Variants in IQCM observed in about 807,000 individuals in gnomAD.
The protein encoded by IQCM is IQ motif containing M.
A neutral mutation model predicts 57.6 loss-of-function variants in IQCM; 45 were observed. That is an observed-to-expected ratio of 0.78 (90% CI 0.62 to 1.00). The LOEUF is 1.00. Ranked by LOEUF, IQCM falls within the 50% of genes least tolerant of loss-of-function variation. The probability of loss-of-function intolerance (pLI) is 0.00; values close to 1 mark genes in which losing one functional copy is unlikely to be tolerated. For synonymous variants in IQCM, 148 were observed against 158.9 expected, an observed-to-expected ratio of 0.93 and a Z score of 0.51; for missense variants, 468 against 511.6, an observed-to-expected ratio of 0.91 and a Z score of 0.82.
intron 12 of IQCM, among the ~76,000 whole-genome samples, chr4:149,477,885 G>T (rs187640934): frequency 6.6e-6 from 1 of 152,146 alleles, no homozygotes; most frequent in East Asian, 1.9e-4. Context: ...CTCAAAGAAA[G>T]GTCTTGTACA....
At chr4:149,494,056 G>T (rs191858978) in intron 12 of IQCM, among the ~76,000 whole-genome samples, 2 of 150,808 alleles carry the variant, frequency 1.3e-5, no homozygotes, top group Admixed American at 1.3e-4. Context: ...TTTTTTAAGG[G>T]TTTTTTTGCA....
intron 6 of IQCM, among the ~76,000 whole-genome samples, chr4:149,684,078 T>C (rs1169150151): frequency 6.6e-6 from 1 of 151,304 alleles, no homozygotes; most frequent in Non-Finnish European, 1.5e-5. Flanking sequence ...TTAGCACTAG[T>C]AAATAAGTGA....
At chr4:149,781,504 C>A (rs1771600621) in intron 2 of IQCM, among the ~76,000 whole-genome samples, 1 of 152,066 alleles carries the variant, frequency 6.6e-6, no homozygotes, top group African/African-American at 2.4e-5. Flanking sequence ...TTCAAGTAAC[C>A]TTTATTTTAC....
chr4:149,417,990 T>C (rs1733867299), intron 13 of IQCM, among the ~76,000 whole-genome samples: 1 of 151,748 alleles, frequency 6.6e-6, no homozygotes, highest in Non-Finnish European at 1.5e-5. Flanking sequence ...TTTATAGCAC[T>C]AAATGCCCAC....
intron 5 of IQCM, among the ~76,000 whole-genome samples, chr4:149,700,084 G>A (rs1763652172): frequency 6.6e-6 from 1 of 151,998 alleles, no homozygotes. Flanking sequence ...ACGGAGGCAT[G>A]GGAAAACTGA....
intron 12 of IQCM, among the ~76,000 whole-genome samples, chr4:149,503,722 A>C (rs890698435): frequency 6.6e-6 from 1 of 152,280 alleles, no homozygotes; most frequent in African/African-American, 2.4e-5. Context: ...ATAGACAAAA[A>C]ATTTTTTTTA....
chr4:149,813,499 T>A (rs1013324819), intron 2 of IQCM, among the ~76,000 whole-genome samples: 1 of 151,924 alleles, frequency 6.6e-6, no homozygotes, highest in African/African-American at 2.4e-5. Context: ...AAGCCAAGAA[T>A]TAACTAGTTA....
At chr4:149,494,627 C>T (rs780250400) in intron 12 of IQCM, among the ~76,000 whole-genome samples, 3 of 152,100 alleles carry the variant, frequency 2.0e-5, no homozygotes, top group Non-Finnish European at 1.5e-5. Flanking sequence ...GCCTTCAGCA[C>T]TCCATCTGCA....
At chr4:149,389,279 T>C (rs1408102165) in intron 13 of IQCM, among the ~76,000 whole-genome samples, 3 of 152,020 alleles carry the variant, frequency 2.0e-5, no homozygotes, top group Non-Finnish European at 4.4e-5. Context: ...GGCAACCTTA[T>C]AAAAATTAAT....
chr4:149,548,244 ACTT>A (rs1249194779), intron 12 of IQCM, among the ~76,000 whole-genome samples: 3 of 152,188 alleles, frequency 2.0e-5, no homozygotes, highest in Admixed American at 6.5e-5. Context: ...TATTGTATTA[ACTT>A]CTTTTAACCT....
chr4:149,802,535 TC>T (rs1393748339), intron 2 of IQCM, among the ~76,000 whole-genome samples: 2 of 151,944 alleles, frequency 1.3e-5, no homozygotes, highest in East Asian at 1.9e-4. Flanking sequence ...CACTTTTTGC[TC>T]CCTTTGCCCT....
At chr4:149,778,111 T>C (rs530295482) in intron 2 of IQCM, among the ~76,000 whole-genome samples, 1 of 152,322 alleles carries the variant, frequency 6.6e-6, no homozygotes, top group African/African-American at 2.4e-5. Flanking sequence ...GCGCGGTGGC[T>C]CACGCCTGTA....
At position 149,493,823 on chromosome 4, in the gene IQCM, A is replaced by G. The variant is rs75435021; in HGVS notation, c.1228+54632T>C. Among the ~76,000 whole-genome samples the G allele has an allele frequency of 4.0e-5, 6 of 151,096 alleles. No homozygotes were observed. The East Asian group carries it at 1.2e-3, about 29-fold the overall frequency. Reference sequence around the variant, plus strand: ...CAAACGCTGTCCTTCACTGAGGAGAAAAAAAAAATAGGTGGGTGCGAGTAG... The same window carrying G: ...CAAACGCTGTCCTTCACTGAGGAGAGAAAAAAAATAGGTGGGTGCGAGTAG... On this transcript the variant is annotated intron_variant, in intron 12 of 13. Transcript: ENST00000636793.
chr4:149,408,025 T>C (rs1283766077), intron 13 of IQCM, among the ~76,000 whole-genome samples: 2 of 152,188 alleles, frequency 1.3e-5, no homozygotes. Context: ...GACTTTTTAA[T>C]AACAGCCATT....
chr4:149,585,141 C>T (rs926949599), intron 9 of IQCM, among the ~76,000 whole-genome samples: 4 of 151,680 alleles, frequency 2.6e-5, no homozygotes, highest in Non-Finnish European at 4.4e-5. Context: ...CTTATATTTA[C>T]TGTAGCCTGG....
chr4:149,632,499 T>A (rs1201459416), intron 7 of IQCM, among the ~76,000 whole-genome samples: 1 of 152,180 alleles, frequency 6.6e-6, no homozygotes, highest in Non-Finnish European at 1.5e-5. Flanking sequence ...TTCATCTGTT[T>A]TTGATGACCA....
intron 10 of IQCM, 91 bp from the exon 11 acceptor site, chr4:149,553,378 T>A: frequency 9.7e-7 from 1 of 1,029,882 alleles, no homozygotes; most frequent in Non-Finnish European, 1.2e-6. Context: ...ACCTAGTTTC[T>A]AAGATTATGG....
At chr4:149,522,124 A>G (rs908361529) in intron 12 of IQCM, among the ~76,000 whole-genome samples, 2 of 152,202 alleles carry the variant, frequency 1.3e-5, no homozygotes, top group Admixed American at 6.5e-5. Flanking sequence ...TCTGATGCTA[A>G]GAGAGCCTCT....
At chr4:149,786,268 G>A (rs919020493) in intron 2 of IQCM, among the ~76,000 whole-genome samples, 3 of 152,174 alleles carry the variant, frequency 2.0e-5, no homozygotes, top group Admixed American at 6.5e-5. Context: ...GTGGAGCCAG[G>A]CAAGCTCCTT....
Sources: gnomAD v4.1 joint callset for allele counts (sites outside exome capture counted in the v4.1 genomes callset) on GRCh38, gnomAD v4.1.1 for gene constraint, MANE v1.5 for transcripts, NCBI Gene and HGNC (gene_info 2026-07-23, HGNC 2026-07-21) for gene names.